Variants in SHANK2 observed in about 807,000 individuals in gnomAD.
SHANK2 encodes SH3 and multiple ankyrin repeat domains 2.
SHANK2 carries 43 observed loss-of-function variants against 133.7 expected under a neutral mutation model. That is an observed-to-expected ratio of 0.32 (90% CI 0.25 to 0.41). SHANK2 has a LOEUF of 0.41. SHANK2 is among the 10% of genes least tolerant of loss of function. The pLI, the probability that SHANK2 is intolerant of heterozygous loss-of-function variation, is 1.00. For missense variants in SHANK2, 1,994 were observed against 2,235.8 expected, an observed-to-expected ratio of 0.89 and a Z score of 2.18; for synonymous variants, 1,017 against 952.8, an observed-to-expected ratio of 1.07 and a Z score of -1.24.
chr11:71,073,401 G>A (rs896405829), intron 9 of SHANK2, among the ~76,000 whole-genome samples: 14 of 151,708 alleles, frequency 9.2e-5, no homozygotes, highest in East Asian at 1.9e-4. Context: ...CAAGCAATCC[G>A]CCTGCCTTGG....
At chr11:70,815,328 T>TG (rs148771614) in intron 12 of SHANK2, among the ~76,000 whole-genome samples, 2,634 of 149,900 alleles carry the variant, frequency 0.018, 100 homozygotes, top group African/African-American at 0.063. Context: ...TGGGGGAGGA[T>TG]GGGGGCAGGG....
Position 70,825,275 on chromosome 11 carries a change from C to T in SHANK2, c.1175-4593G>A, listed in dbSNP as rs542506610. Among the ~76,000 whole-genome samples the T allele has an allele frequency of 5.9e-4, 89 of 152,030 alleles. 1 individual carries two copies. The highest frequency in any genetic ancestry group is 1.1e-3 in the Non-Finnish European group (73 of 68,000). ...ACAGAATTAACCTAACACCAAAACC[C>T]CCAACTGAAATTTTCATGCTGTTCA... On this transcript the variant is annotated intron_variant, in intron 11 of 25. Transcript: ENST00000601538.
At chr11:70,616,282 G>A (rs1269129559) in intron 17 of SHANK2, among the ~76,000 whole-genome samples, 1 of 152,150 alleles carries the variant, frequency 6.6e-6, no homozygotes, top group Non-Finnish European at 1.5e-5. Context: ...TCAATGAGCA[G>A]AAGGCCCAGG....
intron 14 of SHANK2, among the ~76,000 whole-genome samples, chr11:70,756,970 C>T (rs1291307003): frequency 3.9e-5 from 6 of 152,194 alleles, no homozygotes; most frequent in African/African-American, 1.4e-4. Flanking sequence ...CAGGTCCTTG[C>T]GCCCCCGTCT....
rs2060012896 is a variant in SHANK2 at position 70,569,314 on chromosome 11, C to T, written c.2062-66383G>A. On this transcript the variant is annotated intron_variant, in intron 17 of 25. Coordinates refer to ENST00000601538, the MANE Select transcript of SHANK2 (RefSeq NM_012309.5). This position sits in a 1 kb window ranked among gnomAD's most constrained non-coding sequence, Gnocchi z 5.1. ...CCTGGGGGGTCAGGCTCGGGAGCGT[C>T]TGGGGTGATCCTGCTCATGCGCCTC... Among the ~76,000 whole-genome samples, 1 of 152,182 alleles carries T rather than the reference C, an allele frequency of 6.6e-6. No homozygotes were observed. The highest frequency in any genetic ancestry group is 2.4e-5 in the African/African-American group (1 of 41,446).
chr11:70,621,261 A>G (rs2060825541), intron 17 of SHANK2, among the ~76,000 whole-genome samples: 1 of 152,252 alleles, frequency 6.6e-6, no homozygotes, highest in Admixed American at 6.5e-5. Context: ...AAGTGTCATA[A>G]GACATCAGCC....
intron 17 of SHANK2, among the ~76,000 whole-genome samples, chr11:70,595,351 A>G (rs2136290241): frequency 6.6e-6 from 1 of 152,336 alleles, no homozygotes; most frequent in South Asian, 2.1e-4. Context: ...TGTTAAAAAT[A>G]CGCAGCACCA....
chr11:71,149,498 G>C (rs1163996117), intron 2 of SHANK2, among the ~76,000 whole-genome samples: 1 of 152,170 alleles, frequency 6.6e-6, no homozygotes, highest in African/African-American at 2.4e-5. Flanking sequence ...AGCCCAAGCT[G>C]TAGGCACTTT....
At chr11:70,501,299 A>C (rs782178188) in intron 20 of SHANK2, among the ~76,000 whole-genome samples, 3 of 145,582 alleles carry the variant, frequency 2.1e-5, no homozygotes, top group Non-Finnish European at 4.4e-5. Flanking sequence ...CTGTGGCAGC[A>C]CTTAGCACTT....
At chr11:70,905,217 G>A (rs1207462800) in intron 10 of SHANK2, among the ~76,000 whole-genome samples, 35 of 152,144 alleles carry the variant, frequency 2.3e-4, no homozygotes, top group Admixed American at 2.3e-3. Flanking sequence ...ACAGTTCTCT[G>A]AGGATCTGAA....
At chr11:70,729,987 G>A (rs1565275201) in intron 14 of SHANK2, among the ~76,000 whole-genome samples, 1 of 151,672 alleles carries the variant, frequency 6.6e-6, no homozygotes, top group East Asian at 1.9e-4. Context: ...TCATGATGTG[G>A]GGCAAGCAAA....
chr11:70,680,925 C>A (rs568444174), intron 15 of SHANK2, among the ~76,000 whole-genome samples: 1 of 152,096 alleles, frequency 6.6e-6, no homozygotes, highest in South Asian at 2.1e-4. Context: ...GTCCTGCGGC[C>A]GAGATACTCC....
chr11:70,645,242 T>C (rs1400496070), intron 17 of SHANK2, among the ~76,000 whole-genome samples: 3 of 151,838 alleles, frequency 2.0e-5, no homozygotes, highest in Non-Finnish European at 2.9e-5. Flanking sequence ...AAAAAACACA[T>C]CAAGAATGCT....
chr11:70,629,521 G>A lies in SHANK2; in HGVS notation c.2061+30307C>T, dbSNP rs114774255. Among the ~76,000 whole-genome samples the A allele has an allele frequency of 9.3e-3, 1,419 of 152,268 alleles. 21 individuals carry two copies. The highest frequency in any genetic ancestry group is 0.033 in the African/African-American group (1,352 of 41,554). ...TCTGGATCACAGGCTGCGGGCCACC[G>A]TGACCCTGGGGGCCGCATGTGGTGG... On this transcript the variant is annotated intron_variant, in intron 17 of 25. Coordinates refer to ENST00000601538, the MANE Select transcript of SHANK2 (RefSeq NM_012309.5).
intron 13 of SHANK2, among the ~76,000 whole-genome samples, chr11:70,800,498 ATAAG>A (rs1178089489): frequency 6.6e-6 from 1 of 152,242 alleles, no homozygotes; most frequent in Non-Finnish European, 1.5e-5. Context: ...TTATGGCCCC[ATAAG>A]TGTTTTCCTC....
At chr11:70,616,247 C>A (rs1554995892) in intron 17 of SHANK2, among the ~76,000 whole-genome samples, 1 of 152,166 alleles carries the variant, frequency 6.6e-6, no homozygotes, top group East Asian at 1.9e-4. Flanking sequence ...TAAGTAGCTA[C>A]TGAGCTGAAG....
intron 15 of SHANK2, among the ~76,000 whole-genome samples, chr11:70,671,205 G>T (rs1327461220): frequency 6.6e-6 from 1 of 152,166 alleles, no homozygotes; most frequent in Non-Finnish European, 1.5e-5. Context: ...AGACAGATAC[G>T]GCTTAACTGC....
At position 70,502,741 on chromosome 11, in the gene SHANK2, ACCCCC is replaced by A; in HGVS notation, c.2197+50_2197+54del. ...CCCCCCAGCTGTCCTGCCCGCCCCC[ACCCCC>A]CCCCCCCAGTAGGGCCCCAGGCTGG... On this transcript the variant is annotated intron_variant, in intron 18 of 25. Coordinates refer to ENST00000601538, the MANE Select transcript of SHANK2 (RefSeq NM_012309.5). The A allele has an allele frequency of 5.0e-5, 19 of 381,810 alleles. 1 individual carries two copies. The highest frequency in any genetic ancestry group is 7.2e-5 in the Non-Finnish European group (16 of 222,654). 23.7% of individuals were successfully genotyped at this position (381,810 alleles called of 1,614,324 possible). A position where few individuals can be genotyped will look rare whatever the true frequency, so the allele number is the denominator to read the frequency against.
At position 70,502,927 on chromosome 11, in the gene SHANK2, T is replaced by C. The variant is rs781933409; in HGVS notation, c.2066A>G (p.Asn689Ser). 1 of 1,614,150 alleles carries C rather than the reference T, an allele frequency of 6.2e-7. No individual in the cohort carries two copies. Among genetic ancestry groups the C allele is most frequent in the Non-Finnish European group, 8.5e-7 (1 of 1,180,024 alleles). Reference sequence around the variant, plus strand: ...GCCGACTTTGACAACATTCTCATTGTTAACCTGTGGGAAGGCGGAGAGGAT... The same window carrying C: ...GCCGACTTTGACAACATTCTCATTGCTAACCTGTGGGAAGGCGGAGAGGAT... ...LRTGDFLIEV[N>S]NENVVKVGHR... Residue 689 changes from asparagine to serine, a missense_variant, in exon 18 of 26, where the codon AAC becomes AGC. Physicochemically the swap from Asn to Ser is conservative, Grantham distance 46. Transcript: ENST00000601538.
Sources: gnomAD v4.1 joint callset for allele counts (sites outside exome capture counted in the v4.1 genomes callset) on GRCh38, gnomAD v4.1.1 for gene constraint, Gnocchi (gnomAD v3.1) non-coding constraint, MANE v1.5 for transcripts, NCBI Gene and HGNC (gene_info 2026-07-23, HGNC 2026-07-21) for gene names.